The following PRIM1 variants were observed in gnomAD, a reference collection of about 807,000 sequenced individuals.
The protein encoded by PRIM1 is DNA primase small subunit.
A neutral mutation model predicts 60.2 loss-of-function variants in PRIM1; 38 were observed. The ratio of observed to expected loss-of-function variants is 0.63; its 90% CI spans 0.49 to 0.83. The LOEUF is 0.83. Among genes scored for constraint, PRIM1 ranks in the 40% least tolerant of loss-of-function variants. The pLI, the probability that PRIM1 is intolerant of heterozygous loss-of-function variation, is 0.00. For missense variants in PRIM1, 388 were observed against 506.2 expected (o/e 0.77, Z 2.24); for synonymous variants, 158 against 160.2 (o/e 0.99, Z 0.10).
chr12:56,742,575 AAACAAC>A (rs201439312), intron 7 of PRIM1, among the ~76,000 whole-genome samples: 5 of 151,988 alleles, frequency 3.3e-5, no homozygotes, highest in African/African-American at 1.2e-4. Flanking sequence ...TCCGTCTTAA[AAACAAC>A]AACAACAACA....
intron 4 of PRIM1, 196 bp from the exon 5 acceptor site, chr12:56,746,377 A>G: frequency 1.3e-6 from 1 of 750,214 alleles, no homozygotes; most frequent in South Asian, 1.5e-5. Flanking sequence ...TCACGCCTGT[A>G]ATCCCAGCAC....
Position 56,741,595 on chromosome 12 carries a change from C to G in PRIM1, c.841-19G>C. On this transcript the variant is annotated intron_variant, in intron 8 of 12. Coordinates refer to ENST00000338193, the MANE Select transcript of PRIM1 (RefSeq NM_000946.3). The stretch of plus-strand genomic sequence containing the variant: ...TGTTATTCTAAAAGCAGATACAAGG[C>G]CAACATGAGGATCAGTAGGAACTGT... 1 of 1,604,160 alleles carries G rather than the reference C, an allele frequency of 6.2e-7. No individual in the cohort carries two copies. The highest frequency in any genetic ancestry group is 1.1e-5 in the South Asian group (1 of 88,956).
At chr12:56,736,316 AAAAAAAAAAAAG>A (rs1321808194) in intron 11 of PRIM1, among the ~76,000 whole-genome samples, 1 of 149,174 alleles carries the variant, frequency 6.7e-6, no homozygotes, top group Admixed American at 6.7e-5. Context: ...AAAAAAAAAA[AAAAAAAAAAAAG>A]AATATACAAT....
At chr12:56,739,181 A>G (rs1433751294) in intron 10 of PRIM1, 113 bp downstream of exon 10, 2 of 765,622 alleles carry the variant, frequency 2.6e-6, no homozygotes, top group Admixed American at 7.1e-5. Flanking sequence ...TTTGGTTTCC[A>G]TAACCAAATA....
intron 10 of PRIM1, 24 bp from the exon 11 acceptor site, chr12:56,738,549 T>C (rs747716093): frequency 1.3e-6 from 2 of 1,544,182 alleles, no homozygotes; most frequent in East Asian, 4.9e-5. Context: ...AACAAGAGAA[T>C]TTTGTTTTTG....
intron 5 of PRIM1, among the ~76,000 whole-genome samples, chr12:56,744,984 G>A (rs1044910374): frequency 5.3e-5 from 8 of 151,892 alleles, no homozygotes; most frequent in African/African-American, 1.9e-4. Flanking sequence ...GCAAGTGCCT[G>A]TAATCCCAGC....
At chr12:56,742,391 G>A (rs1953878879) in intron 7 of PRIM1, among the ~76,000 whole-genome samples, 1 of 151,452 alleles carries the variant, frequency 6.6e-6, no homozygotes, top group Middle Eastern at 3.2e-3. Flanking sequence ...CTGACATGGT[G>A]AGACCCCGTC....
At chr12:56,744,784 C>A (rs1953895196) in intron 5 of PRIM1, among the ~76,000 whole-genome samples, 1 of 152,026 alleles carries the variant, frequency 6.6e-6, no homozygotes, top group African/African-American at 2.4e-5. Context: ...TTAAGTGATG[C>A]ATAATTATAA....
chr12:56,743,604 C>A (rs1384435674), intron 6 of PRIM1: 5 of 156,698 alleles, frequency 3.2e-5, no homozygotes, highest in African/African-American at 1.2e-4. Flanking sequence ...ATGGAGGCAG[C>A]AATATTTTGT....
rs1953806464 is a variant in PRIM1 at position 56,734,233 on chromosome 12, GTCT to G, written c.1154_1156del (p.Lys385del). ...AACTTTCACATAAGGTGCTAGACTG[GTCT>G]TCTTATAATCTAAATTATGAAGAAT... is the stretch of plus-strand genomic sequence containing the variant. On this transcript the variant is annotated inframe_deletion, in exon 12 of 13. Transcript: ENST00000338193. 1.3e-6 allele frequency: 2 copies of G among 1,580,036 alleles called. No homozygotes were observed. The highest frequency in any genetic ancestry group is 1.7e-6 in the Non-Finnish European group (2 of 1,155,640).
Position 56,752,180 on chromosome 12 carries a change from T to A in PRIM1, c.103+16A>T. On this transcript the variant is annotated intron_variant, in intron 1 of 12. Transcript: ENST00000338193. The stretch of plus-strand genomic sequence containing the variant: ...CCTCACACTCCGCTCCCGAACCCAT[T>A]CCTCGCCTCCATCACCTCCACCGTA... 6.4e-7 allele frequency: 1 copy of A among 1,553,804 alleles called. No homozygotes were observed. Among genetic ancestry groups the A allele is most frequent in the Non-Finnish European group, 8.8e-7 (1 of 1,138,718 alleles).
intron 1 of PRIM1, chr12:56,751,891 C>G (rs1316986610): frequency 5.3e-6 from 1 of 188,644 alleles, no homozygotes; most frequent in African/African-American, 2.3e-5. Context: ...GCCCCAGTAA[C>G]CCCCTGGGCA....
At chr12:56,750,316 G>A (rs2137870103) in intron 2 of PRIM1, among the ~76,000 whole-genome samples, 1 of 152,284 alleles carries the variant, frequency 6.6e-6, no homozygotes, top group South Asian at 2.1e-4. Flanking sequence ...GGTAGCACTG[G>A]TAGTAGTGGC....
In PRIM1 at chr12:56,741,749, A is replaced by G. The variant is rs376227854; in HGVS notation, c.837T>C (p.Tyr279=). 16 of 1,613,290 alleles carry G rather than the reference A, an allele frequency of 9.9e-6. No homozygotes were observed. The highest frequency in any genetic ancestry group is 2.2e-5 in the East Asian group (1 of 44,878). The change falls in exon 8 of 13, where the codon TAT becomes TAC. Residue 279 remains tyrosine, a synonymous_variant. Transcript: ENST00000338193. ...TACAGATTTCAGTGGCATATACCTG[A>G]TATCTGCTGGCTACTTTCTTCAAGT... ...WEHLKKVASR[Y]QNNIKNDKYG...
At chr12:56,732,611 T>C (rs963151500) in intron 12 of PRIM1, among the ~76,000 whole-genome samples, 5 of 152,138 alleles carry the variant, frequency 3.3e-5, no homozygotes, top group South Asian at 4.1e-4. Context: ...TTCAAGGCCA[T>C]TCAGTTTGCT....
intron 6 of PRIM1, 146 bp from the exon 7 acceptor site, chr12:56,743,242 T>C: frequency 2.2e-6 from 2 of 927,876 alleles, no homozygotes; most frequent in Non-Finnish European, 3.0e-6. Flanking sequence ...TACTACCCTG[T>C]GCAGGGTTAT....
intron 11 of PRIM1, among the ~76,000 whole-genome samples, chr12:56,735,914 G>A (rs1461384786): frequency 1.3e-5 from 2 of 151,918 alleles, no homozygotes; most frequent in Admixed American, 1.3e-4. Flanking sequence ...GGCTCCCAAA[G>A]TGCTGGGCCT....
intron 11 of PRIM1, among the ~76,000 whole-genome samples, chr12:56,734,819 T>A (rs1007373171): frequency 1.4e-5 from 2 of 144,804 alleles, no homozygotes; most frequent in Non-Finnish European, 3.0e-5. Flanking sequence ...ATTTTCTTTT[T>A]TTTTTTTTTT....
chr12:56,751,453 T>C (rs1375734700), intron 1 of PRIM1: 1 of 209,762 alleles, frequency 4.8e-6, no homozygotes, highest in Non-Finnish European at 9.5e-6. Context: ...GCCCAGATAA[T>C]TTTTGTATTT....
Sources: allele counts gnomAD v4.1 joint callset (sites outside exome capture counted in the v4.1 genomes callset), GRCh38; gene constraint gnomAD v4.1.1; transcripts MANE v1.5; gene names NCBI Gene and HGNC (gene_info 2026-07-23, HGNC 2026-07-21).